LRMDA: variants seen among roughly 807,000 people sequenced by gnomAD.
The protein encoded by LRMDA is leucine rich melanocyte differentiation associated, also known as leucine-rich melanocyte differentiation-associated protein.
LRMDA carries 18 observed loss-of-function variants against 29.8 expected under a neutral mutation model. That is an observed-to-expected ratio of 0.60 (90% CI 0.42 to 0.90). LRMDA has a LOEUF of 0.90. Ranked by LOEUF, LRMDA falls within the 40% of genes least tolerant of loss-of-function variation. The pLI is 0.00. For missense variants in LRMDA, 273 were observed against 273.9 expected (o/e 1.00, Z 0.02); for synonymous variants, 125 against 109.4 (o/e 1.14, Z -0.89).
At chr10:75,530,869 C>T (rs889541374) in intron 2 of LRMDA, among the ~76,000 whole-genome samples, 5 of 152,178 alleles carry the variant, frequency 3.3e-5, no homozygotes, top group African/African-American at 1.2e-4. Context: ...GCCTGGGCTC[C>T]TTGCCCCTTG....
intron 5 of LRMDA, among the ~76,000 whole-genome samples, chr10:76,138,327 A>G (rs1850134791): frequency 6.6e-6 from 1 of 152,154 alleles, no homozygotes; most frequent in Non-Finnish European, 1.5e-5. Context: ...GACAGCTTCC[A>G]GAGAACCACT....
chr10:76,251,133 T>C (rs1852471625), intron 5 of LRMDA, among the ~76,000 whole-genome samples: 1 of 151,586 alleles, frequency 6.6e-6, no homozygotes, highest in African/African-American at 2.4e-5. Context: ...AAATAACGCA[T>C]TGCTTTCAGA....
chr10:76,216,612 T>C (rs1342368498), intron 5 of LRMDA, among the ~76,000 whole-genome samples: 1 of 152,200 alleles, frequency 6.6e-6, no homozygotes, highest in Non-Finnish European at 1.5e-5. Flanking sequence ...AAATGTAAGA[T>C]ATTTTTCATA....
At chr10:75,750,361 C>G (rs570062618) in intron 2 of LRMDA, among the ~76,000 whole-genome samples, 1 of 150,472 alleles carries the variant, frequency 6.6e-6, no homozygotes, top group East Asian at 2.0e-4. Flanking sequence ...ACTTCTCAGA[C>G]GGGGCAGCAG....
chr10:76,431,100 A>C (rs560406375), intron 6 of LRMDA, among the ~76,000 whole-genome samples: 1 of 152,306 alleles, frequency 6.6e-6, no homozygotes, highest in East Asian at 1.9e-4. Context: ...CTGGTGAAAA[A>C]TATGTCTCTC....
At chr10:76,196,146 C>T (rs1472191295) in intron 5 of LRMDA, among the ~76,000 whole-genome samples, 1 of 152,186 alleles carries the variant, frequency 6.6e-6, no homozygotes. Context: ...TAAGTAACTG[C>T]ACAGCTCTGT....
intron 2 of LRMDA, among the ~76,000 whole-genome samples, chr10:75,596,995 G>C (rs879806344): frequency 2.7e-5 from 4 of 150,104 alleles, no homozygotes; most frequent in African/African-American, 4.9e-5. Flanking sequence ...CCTGTTTAAG[G>C]GCTCATGTAC....
intron 2 of LRMDA, among the ~76,000 whole-genome samples, chr10:75,987,593 C>T (rs1047900507): frequency 6.6e-6 from 1 of 152,178 alleles, no homozygotes; most frequent in Admixed American, 6.5e-5. Context: ...GTGGGCTGGA[C>T]TGCCACTGGC....
intron 6 of LRMDA, among the ~76,000 whole-genome samples, chr10:76,514,533 G>T (rs964878791): frequency 6.6e-6 from 1 of 152,194 alleles, no homozygotes; most frequent in Non-Finnish European, 1.5e-5. Context: ...AGTTTGTTTG[G>T]CTTGAGTGAA....
chr10:75,891,212 C>T (rs1042821406), intron 2 of LRMDA, among the ~76,000 whole-genome samples: 5 of 152,154 alleles, frequency 3.3e-5, no homozygotes, highest in African/African-American at 1.2e-4. Context: ...TTGAGAGGTC[C>T]CTGCCCTTCC....
At chr10:76,515,057 G>A (rs553137215) in intron 6 of LRMDA, among the ~76,000 whole-genome samples, 1 of 152,240 alleles carries the variant, frequency 6.6e-6, no homozygotes, top group African/African-American at 2.4e-5. Context: ...AAAATGAGCT[G>A]TCTATTACCT....
intron 2 of LRMDA, among the ~76,000 whole-genome samples, chr10:75,520,143 GACA>G (rs1236790237): frequency 1.3e-5 from 2 of 152,154 alleles, no homozygotes; most frequent in Admixed American, 1.3e-4. Flanking sequence ...TGGTGAATCT[GACA>G]ATTATGTGTC....
intron 2 of LRMDA, among the ~76,000 whole-genome samples, chr10:75,637,207 C>T (rs1015541771): frequency 1.3e-5 from 2 of 152,188 alleles, no homozygotes; most frequent in Non-Finnish European, 2.9e-5. Flanking sequence ...ACATTGATTC[C>T]GTTCACCTTT....
chr10:76,113,542 C>T (rs186905814), intron 5 of LRMDA, among the ~76,000 whole-genome samples: 50 of 152,058 alleles, frequency 3.3e-4, no homozygotes, highest in African/African-American at 1.2e-3. Flanking sequence ...TTCCAAGGGT[C>T]GCCTCTTCAT....
intron 6 of LRMDA, among the ~76,000 whole-genome samples, chr10:76,549,992 T>A (rs1392336283): frequency 6.6e-6 from 1 of 152,178 alleles, no homozygotes; most frequent in South Asian, 2.1e-4. Flanking sequence ...AATGGGACTT[T>A]GTAAAAATAA....
At chr10:76,082,841 G>C (rs780393198) in intron 5 of LRMDA, among the ~76,000 whole-genome samples, 1 of 152,100 alleles carries the variant, frequency 6.6e-6, no homozygotes, top group African/African-American at 2.4e-5. Context: ...TAAATATCCC[G>C]ATGAAATTCT....
chr10:76,483,486 A>G (rs571832558), intron 6 of LRMDA, among the ~76,000 whole-genome samples: 16 of 151,908 alleles, frequency 1.1e-4, no homozygotes, highest in Non-Finnish European at 1.9e-4. Context: ...GTGTTTAGCT[A>G]GGTCTTCCAA....
chr10:75,457,197 T>C (rs7090265), intron 2 of LRMDA, among the ~76,000 whole-genome samples: 70,714 of 152,126 alleles, frequency 0.46, 17,981 homozygotes, highest in East Asian at 0.63. Context: ...AAGATCTAAA[T>C]GCAGCTTTGC....
chr10:76,327,814 A>G (rs1299750419), intron 6 of LRMDA, among the ~76,000 whole-genome samples: 1 of 152,138 alleles, frequency 6.6e-6, no homozygotes, highest in Admixed American at 6.5e-5. Context: ...GCTTTCATAA[A>G]CCCAAACCAT....
Sources: allele counts gnomAD v4.1 joint callset (sites outside exome capture counted in the v4.1 genomes callset), GRCh38; gene constraint gnomAD v4.1.1; transcripts MANE v1.5; gene names NCBI Gene and HGNC (gene_info 2026-07-23, HGNC 2026-07-21).